Variants in FAM171A2 observed in about 807,000 individuals in gnomAD.
FAM171A2 encodes the protein protein FAM171A2.
Under a neutral mutation model 34.2 loss-of-function variants are expected in FAM171A2, and 13 were observed. The observed-to-expected ratio is 0.38, with a 90% confidence interval of 0.25 to 0.60. The LOEUF (loss-of-function observed/expected upper bound fraction) is 0.60. Among genes scored for constraint, FAM171A2 ranks in the 20% least tolerant of loss-of-function variants. The pLI is 0.62. For missense variants in FAM171A2, 950 were observed against 1,180.7 expected (o/e 0.80, Z 2.86); for synonymous variants, 475 against 561.2 (o/e 0.85, Z 2.17).
Position 44,353,836 on chromosome 17 carries a change from G to T in FAM171A2, c.2378C>A (p.Pro793Gln), listed in dbSNP as rs1366230259. The T allele has an allele frequency of 7.1e-7, 1 of 1,406,844 alleles. No individual in the cohort carries two copies. Among genetic ancestry groups the T allele is most frequent in the Non-Finnish European group, 9.3e-7 (1 of 1,079,814 alleles). The allele number at this position is 1,406,844 out of a possible 1,614,324, so 87.1% of individuals were successfully genotyped here. The change falls in exon 8 of 8, where the codon CCG becomes CAG. Residue 793 changes from proline to glutamine, a missense_variant. Around this residue, in one of 3 missense-constraint regions of FAM171A2, gnomAD observed 191 missense variants for 222.8 expected, o/e 0.86. Coordinates refer to ENST00000293443, the MANE Select transcript of FAM171A2 (RefSeq NM_198475.3). Reference sequence around the variant, plus strand: ...CACCTCCGCCCCCAGCTCGTCCTCCGGGCTGGTGAGCGAGTCGCGCCGCAG... The same window carrying T: ...CACCTCCGCCCCCAGCTCGTCCTCCTGGCTGGTGAGCGAGTCGCGCCGCAG... ...SELRRDSLTS[P>Q]EDELGAEVGD...
intron 1 of FAM171A2, 130 bp downstream of exon 1, chr17:44,363,467 C>T: frequency 2.4e-6 from 1 of 419,662 alleles, no homozygotes; most frequent in Non-Finnish European, 4.0e-6. Context: ...GATCGCTTAG[C>T]TCCCCCCACC....
intron 3 of FAM171A2, among the ~76,000 whole-genome samples, chr17:44,357,969 G>A (rs941566930): frequency 2.6e-5 from 4 of 152,172 alleles, no homozygotes; most frequent in Non-Finnish European, 5.9e-5. Context: ...TAACTTGCAC[G>A]AGGTCACAAT....
rs2048397090 is a variant in FAM171A2 at position 44,353,215 on chromosome 17, T to C, written c.*518A>G. The C allele has an allele frequency of 3.0e-6, 1 of 330,882 alleles. No homozygotes were observed. 20.5% of individuals were successfully genotyped at this position (330,882 alleles called of 1,614,324 possible). The stretch of plus-strand genomic sequence containing the variant: ...ACCCCACAGAAAGACATACACAGCC[T>C]TAACCTCACCAGTTTTATATTTGCT... On this transcript the variant is annotated 3_prime_UTR_variant, in exon 8 of 8. Transcript: ENST00000293443.
chr17:44,353,529 C>A lies in FAM171A2; in HGVS notation c.*204G>T, dbSNP rs1337610765. 6.6e-6 allele frequency: 2 copies of A among 301,820 alleles called. No individual in the cohort carries two copies. The highest frequency in any genetic ancestry group is 1.2e-5 in the Non-Finnish European group (2 of 172,302). 18.7% of individuals were successfully genotyped at this position (301,820 alleles called of 1,614,324 possible). A position where few individuals can be genotyped will look rare whatever the true frequency, so the allele number is the denominator to read the frequency against. ...GGCACCTCCCCGTGGGGGTCTGGAC[C>A]CCCCCTCCTCCCCGGCTTGGAGGCA... On this transcript the variant is annotated 3_prime_UTR_variant, in exon 8 of 8. Transcript: ENST00000293443.
chr17:44,356,988 C>T (rs2048427058), intron 3 of FAM171A2, among the ~76,000 whole-genome samples: 1 of 152,136 alleles, frequency 6.6e-6, no homozygotes, highest in Non-Finnish European at 1.5e-5. Context: ...ACACACGTGG[C>T]TGTTAAGCAT....
rs2048407878 is a variant in FAM171A2, at chr17:44,354,262, G to A, written c.1952C>T (p.Pro651Leu). 6.9e-7 allele frequency: 1 copy of A among 1,458,760 alleles called. No individual in the cohort carries two copies. Among genetic ancestry groups the A allele is most frequent in the East Asian group, 2.9e-5 (1 of 34,550 alleles). 90.4% of individuals were successfully genotyped at this position (1,458,760 alleles called of 1,614,324 possible). Residue 651 changes from proline (P) to leucine (L), a missense_variant, in exon 8 of 8, where the codon CCG becomes CTG. Physicochemically the swap from Pro to Leu is moderately conservative, Grantham distance 98 (BLOSUM62 -3). Coordinates refer to ENST00000293443, the MANE Select transcript of FAM171A2 (RefSeq NM_198475.3). The surrounding 1 kb of genome is among the most constrained non-coding windows in gnomAD (Gnocchi z 5.8). ...KLLELGVKPH[P>L]RAWFVSLDGR... The stretch of plus-strand genomic sequence containing the variant: ...GTCGAGGGACACGAACCAGGCGCGC[G>A]GGTGCGGCTTCACGCCCAGTTCCAG...
At position 44,354,999 on chromosome 17, in the gene FAM171A2, G is replaced by A. The variant is rs1244752728; in HGVS notation, c.1215C>T (p.Ser405=). ...CATCCCGGGAGGAGGCCAAGTCCCG[G>A]GAGCTGGAGAAGGCCGAGTGGAGGG... ...PGPLHSAFSS[S]RDLASSRDDF... Residue 405 remains serine (S), a synonymous_variant, in exon 8 of 8, where the codon TCC becomes TCT. Coordinates refer to ENST00000293443, the MANE Select transcript of FAM171A2 (RefSeq NM_198475.3). This position sits in a 1 kb window ranked among gnomAD's most constrained non-coding sequence, Gnocchi z 5.8. 1.3e-6 allele frequency: 2 copies of A among 1,499,292 alleles called. No individual in the cohort carries two copies. The highest frequency in any genetic ancestry group is 2.5e-5 in the East Asian group (1 of 40,438). The allele number at this position is 1,499,292 out of a possible 1,614,324, so 92.9% of individuals were successfully genotyped here. A position where few individuals can be genotyped will look rare whatever the true frequency, so the allele number is the denominator to read the frequency against.
At chr17:44,358,308 T>A (rs2048433916) in intron 3 of FAM171A2, among the ~76,000 whole-genome samples, 2 of 152,162 alleles carry the variant, frequency 1.3e-5, no homozygotes, top group African/African-American at 4.8e-5. Flanking sequence ...GGCTTCAAGC[T>A]AGGGGGCCAC....
chr17:44,363,606 T>TG lies in FAM171A2; in HGVS notation c.108dup (p.Ser37GlnfsTer76). 3 of 1,227,672 alleles carry TG rather than the reference T, an allele frequency of 2.4e-6. No homozygotes were observed. Among genetic ancestry groups the TG allele is most frequent in the Non-Finnish European group, 3.0e-6 (3 of 984,246 alleles). 76.0% of individuals were successfully genotyped at this position (1,227,672 alleles called of 1,614,324 possible). On this transcript the variant is annotated frameshift_variant, in exon 1 of 8. Coordinates refer to ENST00000293443, the MANE Select transcript of FAM171A2 (RefSeq NM_198475.3). LOFTEE classifies it high-confidence loss of function. ...CCCGGCTGAGACTCACCCTGCGGGC[T>TG]GGGGGGCTCCGGCGGCGACTTGCCG...
rs2143365559 is a variant in FAM171A2, at chr17:44,354,902, T to C, written c.1312A>G (p.Ser438Gly). ...GAGCGAGCGCCCTTGAGCCCGGCGC[T>C]CTCGCCCCCGCGGGCACCCGAAGGC... ...AEPSGARGGE[S>G]AGLKGARSAE... Residue 438 changes from serine to glycine, a missense_variant, in exon 8 of 8, where the codon AGC becomes GGC. Ser to Gly is a moderately conservative substitution (Grantham distance 56, BLOSUM62 0). Around this residue, in one of 3 missense-constraint regions of FAM171A2, gnomAD observed 752 missense variants for 924.5 expected, o/e 0.81. Transcript: ENST00000293443. This position sits in a 1 kb window ranked among gnomAD's most constrained non-coding sequence, Gnocchi z 5.8. 2 of 1,396,982 alleles carry C rather than the reference T, an allele frequency of 1.4e-6. No individual in the cohort carries two copies. Among genetic ancestry groups the C allele is most frequent in the East Asian group, 3.0e-5 (1 of 33,342 alleles). The allele number at this position is 1,396,982 out of a possible 1,614,324, so 86.5% of individuals were successfully genotyped here. A position where few individuals can be genotyped will look rare whatever the true frequency, so the allele number is the denominator to read the frequency against.
At chr17:44,359,281 TTGAAGA>T in intron 3 of FAM171A2, 2 of 399,054 alleles carry the variant, frequency 5.0e-6, no homozygotes, top group Non-Finnish European at 9.4e-6. Flanking sequence ...TGTAGACCCA[TTGAAGA>T]TAAAGGTGGC....
At chr17:44,363,476 C>A in intron 1 of FAM171A2, 121 bp downstream of exon 1, 1 of 444,804 alleles carries the variant, frequency 2.2e-6, no homozygotes, top group Non-Finnish European at 3.6e-6. Flanking sequence ...GCTCCCCCCA[C>A]CCGAATCCAG....
In FAM171A2 at chr17:44,355,221, C is replaced by T; in HGVS notation, c.1023-30G>A. 1.3e-6 allele frequency: 2 copies of T among 1,547,662 alleles called. No individual in the cohort carries two copies. The highest frequency in any genetic ancestry group is 1.7e-6 in the Non-Finnish European group (2 of 1,145,874). On this transcript the variant is annotated intron_variant, in intron 7 of 7. Coordinates refer to ENST00000293443, the MANE Select transcript of FAM171A2 (RefSeq NM_198475.3). The surrounding 1 kb of genome is among the most constrained non-coding windows in gnomAD (Gnocchi z 4.1). ...AAGGGAGGGAGCAGAAGGGGCCGCTCAGGAAAGGGTGAGGGCCAAAGTAGG... is the reference window on the plus strand; with the variant it reads ...AAGGGAGGGAGCAGAAGGGGCCGCTTAGGAAAGGGTGAGGGCCAAAGTAGG...
At position 44,354,792 on chromosome 17, in the gene FAM171A2, C is replaced by A. The variant is rs1380657814; in HGVS notation, c.1422G>T (p.Pro474=). The change falls in exon 8 of 8, where the codon CCG becomes CCT. Residue 474 remains proline, a synonymous_variant. Transcript: ENST00000293443. The surrounding 1 kb of genome is among the most constrained non-coding windows in gnomAD (Gnocchi z 5.8). ...GGTCGAAGGGCGGCGGCGGCGAGGG[C>A]GGCTCGTGCAGGAAGGCCGCAGCCC... is the stretch of plus-strand genomic sequence containing the variant. The part of the protein sequence containing the change: ...PSGAAAFLHE[P]PSPPPPFDHY... 4 of 1,295,174 alleles carry A rather than the reference C, an allele frequency of 3.1e-6. No individual in the cohort carries two copies. The South Asian group carries it at 6.6e-5, about 21-fold the overall frequency. 80.2% of individuals were successfully genotyped at this position (1,295,174 alleles called of 1,614,324 possible).
Position 44,354,632 on chromosome 17 carries a change from G to A in FAM171A2, c.1582C>T (p.Leu528Phe). Residue 528 changes from leucine (L) to phenylalanine (F), a missense_variant, in exon 8 of 8, where the codon CTC (leucine) becomes TTC (phenylalanine). Transcript: ENST00000293443. This position sits in a 1 kb window ranked among gnomAD's most constrained non-coding sequence, Gnocchi z 5.8. ...ACGTTGCGGTAGACGTTGTCCTTGA[G>A]GTGGTCGATGGAGCCGCAGAAGATG... ...QLIFCGSIDH[L>F]KDNVYRNVMP... 1 of 1,290,774 alleles carries A rather than the reference G, an allele frequency of 7.7e-7. No individual in the cohort carries two copies. 80.0% of individuals were successfully genotyped at this position (1,290,774 alleles called of 1,614,324 possible).
Position 44,356,083 on chromosome 17 carries a change from G to A in FAM171A2, c.779-9C>T. 1.3e-6 allele frequency: 2 copies of A among 1,531,780 alleles called. No homozygotes were observed. The highest frequency in any genetic ancestry group is 1.8e-6 in the Non-Finnish European group (2 of 1,135,440). 94.9% of individuals were successfully genotyped at this position (1,531,780 alleles called of 1,614,324 possible). A position where few individuals can be genotyped will look rare whatever the true frequency, so the allele number is the denominator to read the frequency against. On this transcript the variant is annotated splice_polypyrimidine_tract_variant and intron_variant, in intron 5 of 7. Transcript: ENST00000293443. ...ATTGCGCACCCACAGCCCTGGGAGA[G>A]GCAGGGGTTTTGTCACACTTGAGTC...
chr17:44,359,020 C>G (rs947197643), intron 3 of FAM171A2: 1 of 154,128 alleles, frequency 6.5e-6, no homozygotes, highest in Admixed American at 6.4e-5. Flanking sequence ...GCCCTGCCTG[C>G]TCTGGAACTA....
chr17:44,358,204 G>A (rs2048433389), intron 3 of FAM171A2, among the ~76,000 whole-genome samples: 1 of 152,224 alleles, frequency 6.6e-6, no homozygotes, highest in South Asian at 2.1e-4. Flanking sequence ...AGGCCCAGAG[G>A]CGTGGGGCAG....
chr17:44,356,311 T>C lies in FAM171A2; in HGVS notation c.640A>G (p.Ser214Gly). The C allele has an allele frequency of 1.9e-6, 3 of 1,549,692 alleles. No individual in the cohort carries two copies. The highest frequency in any genetic ancestry group is 2.6e-6 in the Non-Finnish European group (3 of 1,145,818). The change falls in exon 5 of 8, where the codon AGC becomes GGC. Residue 214 changes from serine to glycine, a missense_variant. Around this residue, in one of 3 missense-constraint regions of FAM171A2, gnomAD observed 752 missense variants for 924.5 expected, o/e 0.81. Coordinates refer to ENST00000293443, the MANE Select transcript of FAM171A2 (RefSeq NM_198475.3). ...WLELMPLTAV[S>G]VHLLTGNGTE... ...CCATTACCTGTCAGCAGGTGCACGC[T>C]CACAGCAGTCAGGGGCATCAGCTCC... is the stretch of plus-strand genomic sequence containing the variant.
Sources: allele counts gnomAD v4.1 joint callset (sites outside exome capture counted in the v4.1 genomes callset), GRCh38; gene constraint gnomAD v4.1.1; regional missense constraint gnomAD v4.1.1; non-coding constraint Gnocchi (gnomAD v3.1); transcripts MANE v1.5; gene names NCBI Gene and HGNC (gene_info 2026-07-23, HGNC 2026-07-21).